Variants in CCBE1 observed in about 807,000 individuals in gnomAD.
CCBE1 encodes the protein collagen and calcium-binding EGF domain-containing protein 1.
In CCBE1, 37 loss-of-function variants were observed where a neutral mutation model predicts 50.0. The observed-to-expected ratio is 0.74, with a 90% CI of 0.57 to 0.97. CCBE1 has a LOEUF of 0.97. Among genes scored for constraint, CCBE1 ranks in the 50% least tolerant of loss-of-function variants. The probability of loss-of-function intolerance (pLI) is 0.00; values close to 1 mark genes in which losing one functional copy is unlikely to be tolerated. For synonymous variants in CCBE1, 234 were observed against 203.7 expected, an observed-to-expected ratio of 1.15 and a Z score of -1.27; for missense variants, 538 against 523.8, an observed-to-expected ratio of 1.03 and a Z score of -0.26.
At chr18:59,451,430 A>C (rs1009603361) in intron 6 of CCBE1, among the ~76,000 whole-genome samples, 1 of 114,312 alleles carries the variant, frequency 8.7e-6, no homozygotes, top group African/African-American at 3.6e-5. Flanking sequence ...AACACAAGCA[A>C]CTTAAAAAAA....
intron 2 of CCBE1, among the ~76,000 whole-genome samples, chr18:59,521,712 C>T (rs114505725): frequency 0.02 from 3,076 of 152,080 alleles, 95 homozygotes; most frequent in African/African-American, 0.069. Flanking sequence ...TCATGCCACT[C>T]GATCTGTTTT....
At chr18:59,666,643 C>T (rs1216864732) in intron 2 of CCBE1, among the ~76,000 whole-genome samples, 3 of 152,000 alleles carry the variant, frequency 2.0e-5, no homozygotes, top group Non-Finnish European at 4.4e-5. Flanking sequence ...CAGGGAACAA[C>T]ATTGTGAATG....
rs1220326155 is a variant in CCBE1, at chr18:59,435,925, T to G, written c.1204A>C (p.Arg402=). 1 of 1,614,040 alleles carries G rather than the reference T, an allele frequency of 6.2e-7. No individual in the cohort carries two copies. The highest frequency in any genetic ancestry group is 8.5e-7 in the Non-Finnish European group (1 of 1,180,014). ...RTETRDLRAP[R]DFYP The stretch of plus-strand genomic sequence containing the variant: ...GGGATGTGCTATGGGTAGAAGTCTC[T>G]GGGGGCTCTCAAGTCTCTTGTCTCA... Residue 402 remains arginine (R), a synonymous_variant, in exon 11 of 11, where the codon AGA becomes CGA. Coordinates refer to ENST00000439986, the MANE Select transcript of CCBE1 (RefSeq NM_133459.4).
At chr18:59,510,151 A>C (rs956030953) in intron 2 of CCBE1, among the ~76,000 whole-genome samples, 4 of 152,164 alleles carry the variant, frequency 2.6e-5, no homozygotes, top group African/African-American at 9.7e-5. Flanking sequence ...GTGAGAGACA[A>C]ATCTATCTGG....
chr18:59,441,346 C>T (rs1207473785), intron 7 of CCBE1, among the ~76,000 whole-genome samples: 1 of 148,910 alleles, frequency 6.7e-6, no homozygotes, highest in African/African-American at 2.5e-5. Context: ...CCCATCTCTA[C>T]TAAAAATACA....
At chr18:59,670,131 G>C (rs1320908600) in intron 2 of CCBE1, among the ~76,000 whole-genome samples, 1 of 146,892 alleles carries the variant, frequency 6.8e-6, no homozygotes, top group East Asian at 1.9e-4. Context: ...GCAGGAGGGG[G>C]TGGGGGAAGG....
At chr18:59,687,562 CCTT>C (rs1270494914) in intron 2 of CCBE1, among the ~76,000 whole-genome samples, 1 of 152,204 alleles carries the variant, frequency 6.6e-6, no homozygotes, top group African/African-American at 2.4e-5. Context: ...ACTGTTCTCT[CCTT>C]CTCCACTACT....
At chr18:59,506,821 C>A (rs1026817674) in intron 2 of CCBE1, among the ~76,000 whole-genome samples, 1 of 152,202 alleles carries the variant, frequency 6.6e-6, no homozygotes, top group Non-Finnish European at 1.5e-5. Flanking sequence ...CAACTATCAC[C>A]TCTGGGACAA....
intron 2 of CCBE1, among the ~76,000 whole-genome samples, chr18:59,625,424 C>A: frequency 2.5e-5 from 2 of 80,136 alleles, no homozygotes; most frequent in African/African-American, 8.4e-5. Flanking sequence ...GAGTGAGATT[C>A]TGTCTCAAAA....
At chr18:59,543,420 G>T (rs1439853466) in intron 2 of CCBE1, among the ~76,000 whole-genome samples, 1 of 152,160 alleles carries the variant, frequency 6.6e-6, no homozygotes, top group South Asian at 2.1e-4. Flanking sequence ...TAATATTTAG[G>T]ATTAAAAAGA....
chr18:59,657,155 A>T (rs192174602), intron 2 of CCBE1, among the ~76,000 whole-genome samples: 2 of 152,356 alleles, frequency 1.3e-5, no homozygotes, highest in East Asian at 1.9e-4. Context: ...TTGCATGCGT[A>T]TGCTACAACA....
chr18:59,478,034 G>A (rs115272893), intron 3 of CCBE1, among the ~76,000 whole-genome samples: 2,906 of 152,168 alleles, frequency 0.019, 80 homozygotes, highest in African/African-American at 0.065. Flanking sequence ...CCTCCATAAT[G>A]CGGGTGGGCC....
At chr18:59,496,155 C>G (rs1008872126) in intron 2 of CCBE1, among the ~76,000 whole-genome samples, 1 of 152,142 alleles carries the variant, frequency 6.6e-6, no homozygotes, top group Non-Finnish European at 1.5e-5. Context: ...CAGCTTCAGT[C>G]TCTGTGATAA....
chr18:59,559,943 A>T (rs2052710109), intron 2 of CCBE1, among the ~76,000 whole-genome samples: 1 of 152,180 alleles, frequency 6.6e-6, no homozygotes, highest in Non-Finnish European at 1.5e-5. Flanking sequence ...AGAGCCAGGA[A>T]CGGTTTGCCT....
chr18:59,456,376 A>G (rs1278176420), intron 5 of CCBE1, among the ~76,000 whole-genome samples: 1 of 152,242 alleles, frequency 6.6e-6, no homozygotes, highest in African/African-American at 2.4e-5. Flanking sequence ...AGATGAAGTT[A>G]TACTGGAGTA....
chr18:59,460,917 A>T (rs1911434068), intron 5 of CCBE1, among the ~76,000 whole-genome samples: 1 of 147,084 alleles, frequency 6.8e-6, no homozygotes, highest in Non-Finnish European at 1.5e-5. Context: ...CCTGGGTGAC[A>T]GAGGGAGACT....
intron 2 of CCBE1, among the ~76,000 whole-genome samples, chr18:59,578,526 A>G (rs2053034997): frequency 6.6e-6 from 1 of 152,242 alleles, no homozygotes; most frequent in Non-Finnish European, 1.5e-5. Flanking sequence ...TGTTCACAAT[A>G]GCAAAGACTT....
chr18:59,608,068 T>C (rs770206075), intron 2 of CCBE1, among the ~76,000 whole-genome samples: 41 of 152,140 alleles, frequency 2.7e-4, no homozygotes, highest in Non-Finnish European at 5.6e-4. Flanking sequence ...TGCAGTGAGC[T>C]GAGATCGTGC....
intron 2 of CCBE1, among the ~76,000 whole-genome samples, chr18:59,561,147 C>T (rs557515971): frequency 6.6e-6 from 1 of 152,144 alleles, no homozygotes; most frequent in Non-Finnish European, 1.5e-5. Flanking sequence ...TGATAATCAC[C>T]AAAAGGGTAA....
Sources: gnomAD v4.1 joint callset for allele counts (sites outside exome capture counted in the v4.1 genomes callset) on GRCh38, gnomAD v4.1.1 for gene constraint, MANE v1.5 for transcripts, NCBI Gene and HGNC (gene_info 2026-07-23, HGNC 2026-07-21) for gene names.